Variants in LYPD3 observed in about 807,000 individuals in gnomAD.
LYPD3 encodes LY6/PLAUR domain containing 3, also known as ly6/PLAUR domain-containing protein 3.
Under a neutral mutation model 21.7 loss-of-function variants are expected in LYPD3, and 22 were observed. That is an observed-to-expected ratio of 1.01 (90% CI 0.72 to 1.45). The LOEUF (loss-of-function observed/expected upper bound fraction) is 1.45, where lower values mean the gene tolerates loss of function less well. LYPD3 is among the 40% of genes most tolerant of loss of function. The probability of loss-of-function intolerance (pLI) is 0.00; values close to 1 mark genes in which losing one functional copy is unlikely to be tolerated. For synonymous variants in LYPD3, 179 were observed against 203.0 expected, an observed-to-expected ratio of 0.88 and a Z score of 1.00; for missense variants, 471 against 466.9, an observed-to-expected ratio of 1.01 and a Z score of -0.08.
chr19:43,464,934 C>CTTTTTTTTTTTTTTTTTTTTTTTTTTTT (rs34393417), intron 1 of LYPD3, among the ~76,000 whole-genome samples: 1 of 62,800 alleles, frequency 1.6e-5, no homozygotes, highest in Non-Finnish European at 2.8e-5. Flanking sequence ...TTCTTTTTTT[C>CTTTTTTTTTTTTTTTTTTTTTTTTTTTT]TTTTTTTTTT....
At chr19:43,465,471 C>A (rs1201897562) in intron 1 of LYPD3, 22 bp downstream of exon 1, 1 of 1,606,634 alleles carries the variant, frequency 6.2e-7, no homozygotes, top group South Asian at 1.1e-5. Context: ...ACCCCCTCCA[C>A]CTCTCCGGGC....
intron 4 of LYPD3, among the ~76,000 whole-genome samples, 198 bp downstream of exon 4, chr19:43,462,928 A>G (rs535368701): frequency 1.3e-5 from 2 of 152,302 alleles, no homozygotes; most frequent in Admixed American, 1.3e-4. Context: ...AAGCATCACT[A>G]TCCCCACACT....
In LYPD3 at chr19:43,463,589, C is replaced by T. The variant is rs749168835; in HGVS notation, c.382+10G>A. The T allele has an allele frequency of 3.1e-5, 50 of 1,599,480 alleles. No individual in the cohort carries two copies. The South Asian group carries it at 4.6e-4, about 15-fold the overall frequency. On this transcript the variant is annotated intron_variant, in intron 3 of 4. Coordinates refer to ENST00000244333, the MANE Select transcript of LYPD3 (RefSeq NM_014400.3). ...TCCGCCCCCGCAGCTACGGCCCGGC[C>T]CCCACGGACCTGCCGGGTCGAGCGC... is the stretch of plus-strand genomic sequence containing the variant.
intron 2 of LYPD3, 33 bp from the exon 3 acceptor site, chr19:43,463,802 G>T: frequency 2.5e-6 from 4 of 1,608,264 alleles, no homozygotes; most frequent in Non-Finnish European, 3.4e-6. Flanking sequence ...GATTAGCTGT[G>T]GGCGTGGTCT....
In LYPD3 at chr19:43,463,705, G is replaced by A. The variant is rs760344153; in HGVS notation, c.276C>T (p.Arg92=). 1 of 1,612,970 alleles carries A rather than the reference G, an allele frequency of 6.2e-7. No individual in the cohort carries two copies. The highest frequency in any genetic ancestry group is 1.1e-5 in the South Asian group (1 of 91,084). The change falls in exon 3 of 5, where the codon CGC becomes CGT. Residue 92 remains arginine (R), a synonymous_variant. Transcript: ENST00000244333. ...CCAGAAGCCCGTGAAGATCCAGGCC[G>A]CGGTCATTCTTGCCGGGGAGTCCCG... is the stretch of plus-strand genomic sequence containing the variant. ...CGSGLPGKND[R]GLDLHGLLAF... is the part of the protein sequence containing the mutation.
At chr19:43,463,433 C>T (rs1008173452) in intron 3 of LYPD3, 146 bp from the exon 4 acceptor site, 25 of 1,357,028 alleles carry the variant, frequency 1.8e-5, no homozygotes, top group African/African-American at 5.8e-5. Flanking sequence ...AACCTCGCGG[C>T]GCCTACAGCC....
At chr19:43,463,501 C>G (rs1970792864) in intron 3 of LYPD3, 98 bp downstream of exon 3, 1 of 1,480,142 alleles carries the variant, frequency 6.8e-7, no homozygotes, top group African/African-American at 1.4e-5. Context: ...CACCCCCAGC[C>G]CAGGTCGAGT....
At chr19:43,462,593 G>C (rs1970784509) in intron 4 of LYPD3, among the ~76,000 whole-genome samples, 1 of 152,124 alleles carries the variant, frequency 6.6e-6, no homozygotes, top group Non-Finnish European at 1.5e-5. Context: ...AGAGGTAGAG[G>C]CTGCAGTGAG....
chr19:43,461,406 G>A lies in LYPD3; in HGVS notation c.986C>T (p.Pro329Leu). 6.2e-7 allele frequency: 1 copy of A among 1,612,516 alleles called. No individual in the cohort carries two copies. The highest frequency in any genetic ancestry group is 1.1e-5 in the South Asian group (1 of 91,056). ...QQPHNKGCVA[P>L]TAGLAALLLA... is the part of the protein sequence containing the mutation. ...CAGAAGGGCTGCCAATCCAGCTGTG[G>A]GAGCCACACAGCCTTTATTATGGGG... The change falls in exon 5 of 5, where the codon CCC (proline) becomes CTC (leucine). Residue 329 changes from proline (P) to leucine (L), a missense_variant. By Grantham distance (98) the Pro-to-Leu change is moderately conservative. Transcript: ENST00000244333.
At position 43,461,403 on chromosome 19, in the gene LYPD3, G is replaced by A; in HGVS notation, c.989C>T (p.Thr330Ile). Residue 330 changes from threonine to isoleucine, a missense_variant, in exon 5 of 5, where the codon ACA becomes ATA. By Grantham distance (89) the Thr-to-Ile change is moderately conservative (BLOSUM62 -1). Transcript: ENST00000244333. The stretch of plus-strand genomic sequence containing the variant: ...CAACAGAAGGGCTGCCAATCCAGCT[G>A]TGGGAGCCACACAGCCTTTATTATG... The part of the protein sequence containing the change: ...QPHNKGCVAP[T>I]AGLAALLLAV... 1 of 1,612,448 alleles carries A rather than the reference G, an allele frequency of 6.2e-7. No homozygotes were observed. Among genetic ancestry groups the A allele is most frequent in the South Asian group, 1.1e-5 (1 of 91,044 alleles).
rs780349953 is a variant in LYPD3 at position 43,463,221 on chromosome 19, G to T, written c.449C>A (p.Ala150Glu). Residue 150 changes from alanine (A) to glutamate (E), a missense_variant, in exon 4 of 5, where the codon GCG becomes GAG. By Grantham distance (107) the Ala-to-Glu change is moderately radical. Transcript: ENST00000244333. ...GACCGGCGGCGATGTACCCTGGCAC[G>T]CCTCCCGGCTCAGGCCCACACAGCT... ...CYSCVGLSRE[A>E]CQGTSPPVVS... The T allele has an allele frequency of 6.2e-7, 1 of 1,608,928 alleles. No individual in the cohort carries two copies. Among genetic ancestry groups the T allele is most frequent in the Admixed American group, 1.7e-5 (1 of 60,030 alleles).
intron 4 of LYPD3, 145 bp from the exon 5 acceptor site, chr19:43,461,992 C>A (rs537151115): frequency 2.7e-6 from 2 of 738,568 alleles, no homozygotes; most frequent in South Asian, 2.1e-5. Context: ...TTTGGGAAGC[C>A]GAGGCAGGTG....
chr19:43,464,009 G>A, intron 2 of LYPD3: 1 of 617,254 alleles, frequency 1.6e-6, no homozygotes. Flanking sequence ...AGTCGGAGGA[G>A]ACAGCCTGGT....
Position 43,461,546 on chromosome 19 carries a change from C to T in LYPD3, c.846G>A (p.Gln282=). The change falls in exon 5 of 5, where the codon CAG becomes CAA. Residue 282 remains glutamine (Q), a synonymous_variant. Transcript: ENST00000244333. ...MPAPTSQTPR[Q]GVEHEASRDE... ...CCCGGGAGGCCTCGTGTTCTACTCC[C>T]TGTCTCGGAGTCTGACTGGTTGGCG... is the stretch of plus-strand genomic sequence containing the variant. The T allele has an allele frequency of 1.2e-6, 2 of 1,614,164 alleles. No individual in the cohort carries two copies. Among genetic ancestry groups the T allele is most frequent in the South Asian group, 1.1e-5 (1 of 91,076 alleles).
intron 2 of LYPD3, chr19:43,464,123 C>G (rs905494505): frequency 2.1e-5 from 16 of 770,982 alleles, no homozygotes; most frequent in Non-Finnish European, 3.0e-5. Flanking sequence ...ACCCAGTTCT[C>G]AACTCTCTGC....
Position 43,463,051 on chromosome 19 carries a change from G to T in LYPD3, c.544+75C>A, listed in dbSNP as rs905533458. On this transcript the variant is annotated intron_variant, in intron 4 of 4. Coordinates refer to ENST00000244333, the MANE Select transcript of LYPD3 (RefSeq NM_014400.3). The stretch of plus-strand genomic sequence containing the variant: ...GGTTAAGGAAACGCTTTGGGTAAAG[G>T]GCTCCCTACCGCCCAGGGTGCTTCA... The T allele has an allele frequency of 5.2e-6, 8 of 1,531,476 alleles. No individual in the cohort carries two copies. In the Admixed American group the frequency reaches 8.7e-5, roughly 17 times the overall value. 94.9% of individuals were successfully genotyped at this position (1,531,476 alleles called of 1,614,324 possible).
At position 43,464,367 on chromosome 19, in the gene LYPD3, C is replaced by T; in HGVS notation, c.169G>A (p.Gly57Ser). The T allele has an allele frequency of 6.2e-7, 1 of 1,613,804 alleles. No individual in the cohort carries two copies. The highest frequency in any genetic ancestry group is 1.7e-4 in the Middle Eastern group (1 of 6,056). ...ACGGCCTCGGTGCAGACGTCCACGC[C>T]CGGCGCGCACTTCACTGTCTTCATC... ...NKMKTVKCAPGVDVCTEAVGA... is the reference protein window; with the variant it reads ...NKMKTVKCAPSVDVCTEAVGA... Residue 57 changes from glycine (G) to serine (S), a missense_variant, in exon 2 of 5, where the codon GGC becomes AGC. Transcript: ENST00000244333.
chr19:43,464,649 C>T (rs952745526), intron 1 of LYPD3, among the ~76,000 whole-genome samples, 193 bp from the exon 2 acceptor site: 2 of 152,240 alleles, frequency 1.3e-5, no homozygotes, highest in South Asian at 4.1e-4. Flanking sequence ...TTCCTTCACA[C>T]CCACTATGCC....
At chr19:43,463,491 C>CA (rs1205207036) in intron 3 of LYPD3, 108 bp downstream of exon 3, 5 of 1,447,498 alleles carry the variant, frequency 3.5e-6, no homozygotes, top group Non-Finnish European at 4.7e-6. Context: ...AGTGTGACCC[C>CA]ACCCCCAGCC....
Sources: allele counts gnomAD v4.1 joint callset (sites outside exome capture counted in the v4.1 genomes callset), GRCh38; gene constraint gnomAD v4.1.1; transcripts MANE v1.5; gene names NCBI Gene and HGNC (gene_info 2026-07-23, HGNC 2026-07-21).